CRIM1: variants seen among roughly 807,000 people sequenced by gnomAD.
CRIM1 encodes the protein cysteine-rich motor neuron 1 protein.
A neutral mutation model predicts 116.4 loss-of-function variants in CRIM1; 32 were observed. The observed-to-expected ratio is 0.27, with a 90% confidence interval of 0.21 to 0.37. The LOEUF is 0.37. CRIM1 is among the 10% of genes least tolerant of loss of function. The probability of loss-of-function intolerance (pLI) is 1.00; values close to 1 mark genes in which losing one functional copy is unlikely to be tolerated. For synonymous variants in CRIM1, 590 were observed against 509.2 expected (o/e 1.16, Z -2.13); for missense variants, 1,331 against 1,354.8 (o/e 0.98, Z 0.28).
Position 36,356,215 on chromosome 2 carries a change from C to CGT in CRIM1, c.-74_-73dup. 2 of 641,266 alleles carry CGT rather than the reference C, an allele frequency of 3.1e-6. No homozygotes were observed. Among genetic ancestry groups the CGT allele is most frequent in the East Asian group, 4.0e-5 (1 of 25,308 alleles). 39.7% of individuals were successfully genotyped at this position (641,266 alleles called of 1,614,324 possible). On this transcript the variant is annotated 5_prime_UTR_variant, in exon 1 of 17. Transcript: ENST00000280527. This position sits in a 1 kb window ranked among gnomAD's most constrained non-coding sequence, Gnocchi z 4.3. ...GGCTGCTGGTGCGGCGGCGGCGGCG[C>CGT]GTGTGCCCCGCGCAGGGGAGGGCGC... is the stretch of plus-strand genomic sequence containing the variant.
At chr2:36,502,780 G>A (rs1487641653) in intron 8 of CRIM1, among the ~76,000 whole-genome samples, 5 of 152,178 alleles carry the variant, frequency 3.3e-5, no homozygotes, top group South Asian at 2.1e-4. Context: ...AGAACTGCCC[G>A]TCTCCCAGGG....
chr2:36,501,431 C>A (rs1189056544), intron 8 of CRIM1, among the ~76,000 whole-genome samples: 1 of 152,140 alleles, frequency 6.6e-6, no homozygotes, highest in Non-Finnish European at 1.5e-5. Context: ...TTATAAAACG[C>A]CTGTTGGCCA....
At chr2:36,513,841 C>G in intron 11 of CRIM1, 76 bp downstream of exon 11, 1 of 1,365,836 alleles carries the variant, frequency 7.3e-7, no homozygotes, top group Non-Finnish European at 1.0e-6. Context: ...ACATTTGTAA[C>G]TCTGGGGAGG....
At chr2:36,443,402 G>C (rs1489399878) in intron 4 of CRIM1, among the ~76,000 whole-genome samples, 1 of 152,052 alleles carries the variant, frequency 6.6e-6, no homozygotes, top group African/African-American at 2.4e-5. Context: ...CTTCGTACTT[G>C]GCTTTGGGGA....
At chr2:36,534,511 A>G (rs1377505513) in intron 13 of CRIM1, among the ~76,000 whole-genome samples, 2 of 108,248 alleles carry the variant, frequency 1.8e-5, no homozygotes, top group African/African-American at 7.5e-5. Context: ...AGGGAGGGAG[A>G]GAGGGATAGG....
intron 2 of CRIM1, among the ~76,000 whole-genome samples, chr2:36,434,687 A>C (rs532835484): frequency 6.6e-6 from 1 of 152,356 alleles, no homozygotes; most frequent in African/African-American, 2.4e-5. Context: ...TTAATGCTTA[A>C]TAAGAAGCAT....
intron 1 of CRIM1, among the ~76,000 whole-genome samples, chr2:36,359,221 C>G (rs1412586687): frequency 6.6e-6 from 1 of 152,128 alleles, no homozygotes; most frequent in African/African-American, 2.4e-5. Flanking sequence ...ATGACCCCTA[C>G]TGGTTGTATC....
intron 4 of CRIM1, among the ~76,000 whole-genome samples, chr2:36,447,528 C>T (rs1676340288): frequency 6.6e-6 from 1 of 152,130 alleles, no homozygotes; most frequent in African/African-American, 2.4e-5. Context: ...GGATGTCCCT[C>T]CCATGTTTGG....
chr2:36,487,192 C>T (rs1464087830), intron 7 of CRIM1, among the ~76,000 whole-genome samples: 3 of 152,136 alleles, frequency 2.0e-5, no homozygotes, highest in Admixed American at 6.5e-5. Flanking sequence ...TACTGTTTGC[C>T]TCAGTTCCAA....
At chr2:36,459,867 C>A (rs550069751) in intron 4 of CRIM1, among the ~76,000 whole-genome samples, 11 of 152,220 alleles carry the variant, frequency 7.2e-5, no homozygotes, top group South Asian at 4.2e-4. Flanking sequence ...GACTTAGGAG[C>A]ACCTTGCAAG....
intron 2 of CRIM1, among the ~76,000 whole-genome samples, chr2:36,430,780 G>GTCTCACCAGGGTCTCACCAGGGTCTCACC (rs1674825677): frequency 6.6e-6 from 1 of 152,198 alleles, no homozygotes; most frequent in Admixed American, 6.5e-5. Flanking sequence ...TCTCACCAGG[G>GTCTCACCAGGGTCTCACCAGGGTCTCACC]AGAGCCTTTA....
chr2:36,503,165 CA>C (rs1160654404), intron 8 of CRIM1, among the ~76,000 whole-genome samples: 4 of 152,154 alleles, frequency 2.6e-5, no homozygotes, highest in African/African-American at 9.7e-5. Flanking sequence ...TGGGTTTTGT[CA>C]GATTCTTGCG....
At chr2:36,390,516 G>A (rs544977181) in intron 1 of CRIM1, among the ~76,000 whole-genome samples, 3 of 152,128 alleles carry the variant, frequency 2.0e-5, no homozygotes, top group Admixed American at 6.5e-5. Flanking sequence ...CATGTGGAAC[G>A]GTGTTACCAG....
intron 7 of CRIM1, among the ~76,000 whole-genome samples, chr2:36,482,957 C>T (rs577091317): frequency 9.2e-4 from 140 of 152,206 alleles, no homozygotes; most frequent in African/African-American, 3.3e-3. Flanking sequence ...GGGACATGAA[C>T]CTGGGGGCCC....
At position 36,547,042 on chromosome 2, in the gene CRIM1, T is replaced by G. The variant is rs2125195941; in HGVS notation, c.2805T>G (p.Ser935=). ...RDNRLHPSED[S]SLDSIASVVV... Reference sequence around the variant, plus strand: ...ACAGGCTGCACCCAAGTGAAGATTCTTCACTGGACTCCATTGCCTCAGTTG... The same window carrying G: ...ACAGGCTGCACCCAAGTGAAGATTCGTCACTGGACTCCATTGCCTCAGTTG... Residue 935 remains serine, a synonymous_variant, in exon 16 of 17, where the codon TCT becomes TCG. Transcript: ENST00000280527. 1 of 1,612,958 alleles carries G rather than the reference T, an allele frequency of 6.2e-7. No individual in the cohort carries two copies. The highest frequency in any genetic ancestry group is 2.2e-5 in the East Asian group (1 of 44,852).
chr2:36,531,638 T>A (rs993374602), intron 13 of CRIM1, among the ~76,000 whole-genome samples: 6 of 152,202 alleles, frequency 3.9e-5, no homozygotes, highest in African/African-American at 1.2e-4. Flanking sequence ...TCTTTTCTTA[T>A]CTTGAAAAGA....
chr2:36,497,167 T>G (rs1011821271), intron 7 of CRIM1, among the ~76,000 whole-genome samples: 2 of 152,192 alleles, frequency 1.3e-5, no homozygotes, highest in Admixed American at 6.5e-5. Flanking sequence ...ATAGAAGATT[T>G]TGGTATGTGT....
At chr2:36,510,396 A>G (rs1162042921) in intron 9 of CRIM1, among the ~76,000 whole-genome samples, 2 of 152,210 alleles carry the variant, frequency 1.3e-5, no homozygotes, top group African/African-American at 4.8e-5. Flanking sequence ...ACTTTCCCAT[A>G]GCAGAGTCCT....
intron 13 of CRIM1, among the ~76,000 whole-genome samples, chr2:36,524,260 T>G (rs1202965439): frequency 1.3e-5 from 2 of 152,162 alleles, no homozygotes; most frequent in African/African-American, 4.8e-5. Flanking sequence ...GCGAAAAATG[T>G]ATCAAGGCAT....
Sources: gnomAD v4.1 joint callset for allele counts (sites outside exome capture counted in the v4.1 genomes callset) on GRCh38, gnomAD v4.1.1 for gene constraint, Gnocchi (gnomAD v3.1) non-coding constraint, MANE v1.5 for transcripts, NCBI Gene and HGNC (gene_info 2026-07-23, HGNC 2026-07-21) for gene names.